The following ZBTB17 variants were observed in gnomAD, a reference collection of about 807,000 sequenced individuals.
ZBTB17 encodes zinc finger and BTB domain containing 17, also known as zinc finger and BTB domain-containing protein 17.
In ZBTB17, 24 loss-of-function variants were observed where a neutral mutation model predicts 85.1. The ratio of observed to expected loss-of-function variants is 0.28; its 90% CI spans 0.20 to 0.40. The LOEUF is 0.40. ZBTB17 is among the 10% of genes least tolerant of loss of function. The pLI, the probability that ZBTB17 is intolerant of heterozygous loss-of-function variation, is 1.00. For synonymous variants in ZBTB17, 464 were observed against 460.2 expected (o/e 1.01, Z -0.11); for missense variants, 743 against 1,105.1 (o/e 0.67, Z 4.65).
intron 2 of ZBTB17, among the ~76,000 whole-genome samples, chr1:15,961,624 C>T (rs546142045): frequency 2.0e-5 from 3 of 152,312 alleles, no homozygotes; most frequent in Admixed American, 6.5e-5. Context: ...GCCCAGGGCT[C>T]GCCCTTCAAC....
At chr1:15,957,864 C>T (rs1051728407) in intron 2 of ZBTB17, among the ~76,000 whole-genome samples, 2 of 152,028 alleles carry the variant, frequency 1.3e-5, no homozygotes, top group African/African-American at 4.8e-5. Flanking sequence ...GTGGCGGTGC[C>T]GCTTCCTGAG....
Position 15,944,366 on chromosome 1 carries a change from G to A in ZBTB17, c.1305C>T (p.Arg435=), listed in dbSNP as rs976244409. ...RSFSDPTSKM[R]HLETHDTDKE... is the part of the protein sequence containing the mutation. The stretch of plus-strand genomic sequence containing the variant: ...TGTCCGTGTCGTGGGTCTCCAGGTG[G>A]CGCATCTTGGAAGTGGGGTCGGAGA... Residue 435 remains arginine, a synonymous_variant, in exon 9 of 16, where the codon CGC becomes CGT. Transcript: ENST00000375743. 6.4e-7 allele frequency: 1 copy of A among 1,558,934 alleles called. No individual in the cohort carries two copies. The highest frequency in any genetic ancestry group is 8.7e-7 in the Non-Finnish European group (1 of 1,151,624).
chr1:15,950,607 G>T (rs762780250), intron 2 of ZBTB17, among the ~76,000 whole-genome samples: 25 of 152,350 alleles, frequency 1.6e-4, no homozygotes, highest in Non-Finnish European at 3.2e-4. Context: ...TCTGGAACTT[G>T]CAAGTGAGGC....
chr1:15,944,357 C>T lies in ZBTB17; in HGVS notation c.1314G>A (p.Glu438=), dbSNP rs781442398. ...TGTGCTCCTTGTCCGTGTCGTGGGT[C>T]TCCAGGTGGCGCATCTTGGAAGTGG... The part of the protein sequence containing the change: ...SDPTSKMRHL[E]THDTDKEHKC... The change falls in exon 9 of 16, where the codon GAG becomes GAA. Residue 438 remains glutamate, a synonymous_variant. Transcript: ENST00000375743. 4 of 1,558,556 alleles carry T rather than the reference C, an allele frequency of 2.6e-6. No individual in the cohort carries two copies. The highest frequency in any genetic ancestry group is 3.5e-6 in the Non-Finnish European group (4 of 1,151,340).
intron 2 of ZBTB17, among the ~76,000 whole-genome samples, chr1:15,954,547 T>G (rs373810325): frequency 8.3e-4 from 127 of 152,310 alleles, no homozygotes; most frequent in African/African-American, 2.9e-3. Context: ...TTTCTAGAAA[T>G]ACAGGTGGAT....
At position 15,968,808 on chromosome 1, in the gene ZBTB17, C is replaced by T. The variant is rs985333666; in HGVS notation, c.-3+4231G>A. 7.9e-5 allele frequency among the ~76,000 whole-genome samples: 12 copies of T among 152,214 alleles called. No individual in the cohort carries two copies. In the South Asian group the frequency reaches 8.3e-4, roughly 10 times the overall value. On this transcript the variant is annotated intron_variant, in intron 2 of 15. Transcript: ENST00000375743. ...GCCACAGGGCAGGATGGCAACCTGGCGTCCCCACAGGTTTGGGCCTTCCTC... is the reference window on the plus strand; with the variant it reads ...GCCACAGGGCAGGATGGCAACCTGGTGTCCCCACAGGTTTGGGCCTTCCTC...
At position 15,944,711 on chromosome 1, in the gene ZBTB17, A is replaced by G. The variant is rs532250248; in HGVS notation, c.1056T>C (p.His352=). ...AFSDPAACKA[H]EKTHSPLKPY... ...TGGGGCAGTACCTGTGCGTCTTCTC[A>G]TGGGCCTTGCACGCGGCCGGGTCGG... Residue 352 remains histidine, a synonymous_variant, in exon 8 of 16, where the codon CAT becomes CAC. Transcript: ENST00000375743. The G allele has an allele frequency of 1.9e-6, 3 of 1,609,262 alleles. No homozygotes were observed. Among genetic ancestry groups the G allele is most frequent in the South Asian group, 2.2e-5 (2 of 91,078 alleles).
In ZBTB17 at chr1:15,942,432, G is replaced by C. The variant is rs1014661237; in HGVS notation, c.2039-12C>G. 6.2e-7 allele frequency: 1 copy of C among 1,612,972 alleles called. No homozygotes were observed. The highest frequency in any genetic ancestry group is 8.5e-7 in the Non-Finnish European group (1 of 1,179,992). On this transcript the variant is annotated splice_polypyrimidine_tract_variant and intron_variant, in intron 14 of 15. Transcript: ENST00000375743. ...TCCCACCGGCACCACTGCGGGCAGA[G>C]TCGCAGGGCCTAAGGTGAAGGCACG...
Position 15,943,908 on chromosome 1 carries a change from A to AG in ZBTB17, c.1372-14dup. The AG allele has an allele frequency of 6.3e-7, 1 of 1,581,346 alleles. No homozygotes were observed. Among genetic ancestry groups the AG allele is most frequent in the Non-Finnish European group, 8.6e-7 (1 of 1,164,042 alleles). On this transcript the variant is annotated splice_polypyrimidine_tract_variant and intron_variant, in intron 9 of 15. Coordinates refer to ENST00000375743, the MANE Select transcript of ZBTB17 (RefSeq NM_003443.3). ...TCAGGTTCCCTACCTGTGCCCAGGG[A>AG]GGGGTCAGGGGGGCCACCCCACAGA...
intron 2 of ZBTB17, among the ~76,000 whole-genome samples, chr1:15,950,275 T>A (rs1170511394): frequency 3.3e-5 from 5 of 152,220 alleles, no homozygotes; most frequent in Admixed American, 3.3e-4. Context: ...CAAGGGAGAA[T>A]CGTGGCTGCG....
At chr1:15,949,247 A>G (rs1194977934) in intron 2 of ZBTB17, among the ~76,000 whole-genome samples, 1 of 152,156 alleles carries the variant, frequency 6.6e-6, no homozygotes, top group Non-Finnish European at 1.5e-5. Context: ...GAAATCCCAC[A>G]AGTGAAAATG....
At chr1:15,943,774 G>A in intron 10 of ZBTB17, 34 bp downstream of exon 10, 1 of 1,612,614 alleles carries the variant, frequency 6.2e-7, no homozygotes, top group Non-Finnish European at 8.5e-7. Flanking sequence ...GAGGAGCAGG[G>A]GTGTGAGGGC....
chr1:15,972,105 T>C (rs1277420995), intron 2 of ZBTB17, among the ~76,000 whole-genome samples: 1 of 152,144 alleles, frequency 6.6e-6, no homozygotes. Flanking sequence ...CCTCCCTGTG[T>C]GCGCACACCC....
chr1:15,945,624 G>A lies in ZBTB17; in HGVS notation c.661+91C>T, dbSNP rs963994949. ...TGACTCCAGGTGGGACTAGCTGGAG[G>A]CAGGAGGAGAGGGAGGCCCCAGTGC... On this transcript the variant is annotated intron_variant, in intron 6 of 15. Transcript: ENST00000375743. 13 of 1,547,002 alleles carry A rather than the reference G, an allele frequency of 8.4e-6. 1 individual carries two copies. In the African/African-American group the frequency reaches 1.8e-4, roughly 21 times the overall value.
At chr1:15,946,400 A>AC in intron 4 of ZBTB17, 106 bp from the exon 5 acceptor site, 1 of 1,498,550 alleles carries the variant, frequency 6.7e-7, no homozygotes, top group Non-Finnish European at 9.0e-7. Flanking sequence ...TCCCTAGGGT[A>AC]CCTCTAAGTA....
At chr1:15,972,528 T>C (rs2072724879) in intron 2 of ZBTB17, among the ~76,000 whole-genome samples, 1 of 152,242 alleles carries the variant, frequency 6.6e-6, no homozygotes, top group African/African-American at 2.4e-5. Context: ...AATCCCACCT[T>C]AAACATTAGA....
chr1:15,946,227 T>C lies in ZBTB17; in HGVS notation c.462A>G (p.Gly154=). 12 of 1,613,698 alleles carry C rather than the reference T, an allele frequency of 7.4e-6. No individual in the cohort carries two copies. The highest frequency in any genetic ancestry group is 9.3e-6 in the Non-Finnish European group (11 of 1,179,994). The part of the protein sequence containing the change: ...TSTLSRLEQA[G]RSTPIGPSRD... The stretch of plus-strand genomic sequence containing the variant: ...TGCTGGGGCCTATGGGTGTGCTGCG[T>C]CCTGCCTGCTCCAGCCTGCTCAGCG... Residue 154 remains glycine (G), a synonymous_variant, in exon 5 of 16, where the codon GGA becomes GGG. Coordinates refer to ENST00000375743, the MANE Select transcript of ZBTB17 (RefSeq NM_003443.3).
chr1:15,942,001 T>C lies in ZBTB17; in HGVS notation c.2380A>G (p.Thr794Ala), dbSNP rs781240066. The part of the protein sequence containing the change: ...GQPALAETSP[T>A]APECPPPAE ...GCAGGCGGGGGACATTCAGGAGCTG[T>C]AGGGGAGGTCTCTGCCAGTGCGGGC... Residue 794 changes from threonine (T) to alanine (A), a missense_variant, in exon 16 of 16, where the codon ACA becomes GCA. Thr to Ala is a moderately conservative substitution (Grantham distance 58). Coordinates refer to ENST00000375743, the MANE Select transcript of ZBTB17 (RefSeq NM_003443.3). 4 of 1,603,774 alleles carry C rather than the reference T, an allele frequency of 2.5e-6. No individual in the cohort carries two copies. Among genetic ancestry groups the C allele is most frequent in the Admixed American group, 3.3e-5 (2 of 59,930 alleles).
chr1:15,947,012 G>A lies in ZBTB17; in HGVS notation c.317C>T (p.Thr106Met), dbSNP rs138897393. The A allele has an allele frequency of 8.0e-4, 1,289 of 1,614,098 alleles. 2 individuals carry two copies. Among genetic ancestry groups the A allele is most frequent in the Non-Finnish European group, 9.8e-4 (1,159 of 1,180,026 alleles). ...AAGTGACTTGAGGGCATGGCAGGCCGTGATGATGTCCTGCATTTGGAGGAA... is the reference window on the plus strand; with the variant it reads ...AAGTGACTTGAGGGCATGGCAGGCCATGATGATGTCCTGCATTTGGAGGAA... ...ATFLQMQDII[T>M]ACHALKSLAE... Residue 106 changes from threonine to methionine, a missense_variant, in exon 4 of 16, where the codon ACG (threonine) becomes ATG (methionine). Thr to Met is a moderately conservative substitution (Grantham distance 81). Coordinates refer to ENST00000375743, the MANE Select transcript of ZBTB17 (RefSeq NM_003443.3).
Sources: gnomAD v4.1 joint callset for allele counts (sites outside exome capture counted in the v4.1 genomes callset) on GRCh38, gnomAD v4.1.1 for gene constraint, MANE v1.5 for transcripts, NCBI Gene and HGNC (gene_info 2026-07-23, HGNC 2026-07-21) for gene names.